Variants in DPY19L1 observed in about 807,000 individuals in gnomAD.
The protein encoded by DPY19L1 is dpy-19 like C-mannosyltransferase 1, also known as protein C-mannosyl-transferase DPY19L1.
DPY19L1 carries 35 observed loss-of-function variants against 96.9 expected under a neutral mutation model. That is an observed-to-expected ratio of 0.36 (90% CI 0.28 to 0.48). The LOEUF is 0.48. Among genes scored for constraint, DPY19L1 ranks in the 20% least tolerant of loss-of-function variants. The pLI is 0.99. For synonymous variants in DPY19L1, 205 were observed against 252.6 expected (o/e 0.81, Z 1.79); for missense variants, 521 against 777.9 (o/e 0.67, Z 3.93).
chr7:35,024,132 G>C (rs1222864944), intron 1 of DPY19L1, among the ~76,000 whole-genome samples: 1 of 151,970 alleles, frequency 6.6e-6, no homozygotes, highest in South Asian at 2.1e-4. Context: ...CACCGCACCC[G>C]GCCGAAGAAA....
chr7:35,033,240 C>A (rs1331481893), intron 1 of DPY19L1, among the ~76,000 whole-genome samples: 1 of 152,224 alleles, frequency 6.6e-6, no homozygotes, highest in East Asian at 1.9e-4. Context: ...AGCTTCAAGG[C>A]TACCTCCCCA....
intron 3 of DPY19L1, among the ~76,000 whole-genome samples, chr7:35,016,789 A>G (rs966485496): frequency 1.3e-5 from 2 of 152,226 alleles, no homozygotes; most frequent in Non-Finnish European, 2.9e-5. Flanking sequence ...AATGTTCAGG[A>G]AACTTGGGAT....
At chr7:35,037,991 A>C, upstream of DPY19L1, 1 of 1,052,214 alleles carries the variant, frequency 9.5e-7, no homozygotes, top group Non-Finnish European at 1.2e-6. Flanking sequence ...GAGCCCGCGC[A>C]GGCGAGACGC....
chr7:34,969,650 C>G, intron 8 of DPY19L1, 118 bp from the exon 9 acceptor site: 1 of 491,416 alleles, frequency 2.0e-6, no homozygotes, highest in African/African-American at 2.0e-5. Context: ...ACAACCTAAA[C>G]ATAAAATGAA....
chr7:35,028,832 G>T (rs781538138), intron 1 of DPY19L1, among the ~76,000 whole-genome samples: 1 of 152,156 alleles, frequency 6.6e-6, no homozygotes, highest in Non-Finnish European at 1.5e-5. Flanking sequence ...GGAACTGAGG[G>T]TTCCTCCCCT....
At chr7:35,037,830 C>G (rs1202687388), upstream of DPY19L1, 6 of 1,230,338 alleles carry the variant, frequency 4.9e-6, no homozygotes, top group East Asian at 6.3e-5. Context: ...CTTCGGCGCC[C>G]GCGCGGGGCT....
At chr7:34,966,751 T>C in intron 10 of DPY19L1, 143 bp downstream of exon 10, 2 of 783,258 alleles carry the variant, frequency 2.6e-6, no homozygotes. Flanking sequence ...CAAAATGAGG[T>C]CTGTTGATTA....
At chr7:34,979,699 A>G (rs188087976) in intron 7 of DPY19L1, among the ~76,000 whole-genome samples, 199 of 152,280 alleles carry the variant, frequency 1.3e-3, no homozygotes, top group Non-Finnish European at 1.9e-3. Context: ...AGGGCAGAAA[A>G]TAGTGCCAAA....
At chr7:34,937,101 T>TA (rs1783884619) in intron 21 of DPY19L1, among the ~76,000 whole-genome samples, 1 of 152,276 alleles carries the variant, frequency 6.6e-6, no homozygotes. Flanking sequence ...TCCAGTCACT[T>TA]ACGTGCCACA....
intron 3 of DPY19L1, 68 bp from the exon 4 acceptor site, chr7:35,013,773 T>C: frequency 7.8e-7 from 1 of 1,290,224 alleles, no homozygotes; most frequent in South Asian, 1.6e-5. Context: ...TCTAAGTAAA[T>C]ACACTGTTTT....
intron 11 of DPY19L1, among the ~76,000 whole-genome samples, 190 bp downstream of exon 11, chr7:34,957,794 T>C (rs1296844709): frequency 2.0e-5 from 3 of 148,152 alleles, no homozygotes; most frequent in Non-Finnish European, 4.5e-5. Context: ...TCTGAAATGA[T>C]ACTAATTTTT....
rs755619806 is a variant in DPY19L1, at chr7:35,023,833, C to CTTTTTTTT, written c.299-5245_299-5238dup. Among the ~76,000 whole-genome samples the CTTTTTTTT allele has an allele frequency of 3.1e-4, 35 of 111,806 alleles. 1 individual carries two copies. The highest frequency in any genetic ancestry group is 5.4e-4 in the African/African-American group (16 of 29,564). 73.3% of individuals were successfully genotyped at this position (111,806 alleles called of 152,430 possible). A position where few individuals can be genotyped will look rare whatever the true frequency, so the allele number is the denominator to read the frequency against. ...AAATATATTCTTTTTCTTTTCTTTT[C>CTTTTTTTT]TTTTTTTTTTTTTTTTTTTTGAGAC... On this transcript the variant is annotated intron_variant, in intron 1 of 21. Transcript: ENST00000638088.
intron 6 of DPY19L1, among the ~76,000 whole-genome samples, chr7:34,995,840 C>G (rs1785269965): frequency 6.7e-6 from 1 of 148,216 alleles, no homozygotes; most frequent in African/African-American, 2.5e-5. Context: ...GCTTGGGCAC[C>G]TTCCTAGCCC....
chr7:34,946,190 T>C (rs1181631266), intron 15 of DPY19L1, among the ~76,000 whole-genome samples: 2 of 152,224 alleles, frequency 1.3e-5, no homozygotes, highest in Non-Finnish European at 2.9e-5. Context: ...TCAGCAATAA[T>C]GAGGAGGTCA....
chr7:34,960,880 C>T (rs1637675), intron 10 of DPY19L1, among the ~76,000 whole-genome samples: 40,074 of 151,948 alleles, frequency 0.26, 5,499 homozygotes, highest in Non-Finnish European at 0.31. Context: ...TTTAAACTTC[C>T]TAATGTGATA....
At chr7:35,015,202 A>G (rs1704001781) in intron 3 of DPY19L1, among the ~76,000 whole-genome samples, 1 of 152,220 alleles carries the variant, frequency 6.6e-6, no homozygotes, top group African/African-American at 2.4e-5. Context: ...AAATTTAAAA[A>G]TCCCTAAATA....
chr7:34,942,738 A>G (rs751744616), intron 16 of DPY19L1, 99 bp from the exon 17 acceptor site: 7 of 980,700 alleles, frequency 7.1e-6, no homozygotes, highest in Non-Finnish European at 1.1e-5. Context: ...TACAACTTCT[A>G]TAACATTCTC....
chr7:34,945,563 T>A (rs1784127847), intron 16 of DPY19L1, 104 bp downstream of exon 16: 2 of 819,154 alleles, frequency 2.4e-6, no homozygotes, highest in Non-Finnish European at 3.9e-6. Context: ...ACATCAATTA[T>A]CAAATATTAG....
In DPY19L1 at chr7:34,937,204, A is replaced by G. The variant is rs191854083; in HGVS notation, c.2090+790T>C. Among the ~76,000 whole-genome samples the G allele has an allele frequency of 5.9e-3, 901 of 152,374 alleles. 9 individuals are homozygous for G. Among genetic ancestry groups the G allele is most frequent in the Non-Finnish European group, 1.0e-2 (677 of 68,040 alleles). ...TAGTAAACATCTCTGTGGAAATAGA[A>G]ACTTAAAAACTATAAACCCAAGAGA... On this transcript the variant is annotated intron_variant, in intron 21 of 21. Transcript: ENST00000638088.
Sources: gnomAD v4.1 joint callset for allele counts (sites outside exome capture counted in the v4.1 genomes callset) on GRCh38, gnomAD v4.1.1 for gene constraint, MANE v1.5 for transcripts, NCBI Gene and HGNC (gene_info 2026-07-23, HGNC 2026-07-21) for gene names.